The following CHST9 variants were observed in gnomAD, a reference collection of about 807,000 sequenced individuals.
CHST9 encodes the protein GalNAc-4-sulfotransferase 2.
Under a neutral mutation model 44.4 loss-of-function variants are expected in CHST9, and 41 were observed. That is an observed-to-expected ratio of 0.92 (90% CI 0.72 to 1.20). The LOEUF (loss-of-function observed/expected upper bound fraction) is 1.20, where lower values mean the gene tolerates loss of function less well. CHST9 is among the 50% of genes most tolerant of loss of function. CHST9 has a pLI of 0.00. For synonymous variants in CHST9, 171 were observed against 178.4 expected (o/e 0.96, Z 0.33); for missense variants, 504 against 516.5 (o/e 0.98, Z 0.23).
At chr18:27,092,462 C>T (rs1321160838) in intron 2 of CHST9, among the ~76,000 whole-genome samples, 4 of 151,762 alleles carry the variant, frequency 2.6e-5, no homozygotes, top group Admixed American at 6.6e-5. Flanking sequence ...CTGCTCTGAT[C>T]TTAATTATTT....
intron 4 of CHST9, among the ~76,000 whole-genome samples, chr18:27,004,074 A>G (rs1351088665): frequency 6.6e-6 from 1 of 152,080 alleles, no homozygotes; most frequent in African/African-American, 2.4e-5. Context: ...AACAGAGATA[A>G]AAACCAAAAC....
chr18:27,085,041 G>C (rs757885277), intron 2 of CHST9, among the ~76,000 whole-genome samples: 5 of 151,982 alleles, frequency 3.3e-5, no homozygotes, highest in Non-Finnish European at 7.4e-5. Flanking sequence ...TTATCTTATT[G>C]GGAATTGCTT....
Position 26,915,912 on chromosome 18 carries a change from T to C in CHST9, c.*347A>G, listed in dbSNP as rs988009987. ...ATTTTAGACAATAAATTTCAGGATA[T>C]AGACATACACTCATGCTATTTGAGA... is the stretch of plus-strand genomic sequence containing the variant. On this transcript the variant is annotated 3_prime_UTR_variant, in exon 6 of 6. Coordinates refer to ENST00000618847, the MANE Select transcript of CHST9 (RefSeq NM_031422.6). 2.3e-5 allele frequency: 4 copies of C among 173,434 alleles called. No individual in the cohort carries two copies. The highest frequency in any genetic ancestry group is 1.6e-4 in the East Asian group (1 of 6,344). The allele number at this position is 173,434 out of a possible 1,614,324, so 10.7% of individuals were successfully genotyped here.
At position 27,149,547 on chromosome 18, in the gene CHST9, G is replaced by A. The variant is rs139453498; in HGVS notation, c.-96-6642C>T. Among the ~76,000 whole-genome samples, 1,202 of 150,584 alleles carry A rather than the reference G, an allele frequency of 8.0e-3. 20 individuals carry two copies. The highest frequency in any genetic ancestry group is 0.028 in the African/African-American group (1,141 of 41,072). On this transcript the variant is annotated intron_variant, in intron 1 of 5. Coordinates refer to ENST00000618847, the MANE Select transcript of CHST9 (RefSeq NM_031422.6). ...ATGATAGAGTGATTTATATTACTGG[G>A]TATATATCCCGTAATGGGATTGCTG...
At position 26,917,035 on chromosome 18, in the gene CHST9, A is replaced by C; in HGVS notation, c.556T>G (p.Cys186Gly). The change falls in exon 6 of 6, where the codon TGC becomes GGC. Residue 186 changes from cysteine (C) to glycine (G), a missense_variant. Transcript: ENST00000618847. Reference sequence around the variant, plus strand: ...TGACTCACCCCACCGTATTTCTTGCAAAACTCCTGAAGGAAAGACCTTCGT... The same window carrying C: ...TGACTCACCCCACCGTATTTCTTGCCAAACTCCTGAAGGAAAGACCTTCGT... ...EKRRSFLQEF[C>G]KKYGGVSHHQ... The C allele has an allele frequency of 6.2e-7, 1 of 1,613,972 alleles. No homozygotes were observed. Among genetic ancestry groups the C allele is most frequent in the East Asian group, 2.2e-5 (1 of 44,874 alleles).
chr18:27,023,562 A>T (rs1425557792), intron 4 of CHST9, among the ~76,000 whole-genome samples: 1 of 152,246 alleles, frequency 6.6e-6, no homozygotes, highest in Non-Finnish European at 1.5e-5. Context: ...ACTGTATGCC[A>T]AAGCCATGAA....
intron 2 of CHST9, among the ~76,000 whole-genome samples, chr18:27,089,093 T>C (rs2058041220): frequency 6.6e-6 from 1 of 152,240 alleles, no homozygotes; most frequent in South Asian, 2.1e-4. Flanking sequence ...ATATTCCATG[T>C]AATTGTTAAT....
chr18:26,988,637 T>C (rs1598618637), intron 4 of CHST9, among the ~76,000 whole-genome samples: 2 of 152,120 alleles, frequency 1.3e-5, no homozygotes, highest in East Asian at 3.8e-4. Flanking sequence ...AAGAATAGAA[T>C]AGACAGATAC....
intron 3 of CHST9, among the ~76,000 whole-genome samples, chr18:27,041,910 C>T (rs1235238865): frequency 1.3e-5 from 2 of 152,072 alleles, no homozygotes; most frequent in African/African-American, 4.8e-5. Context: ...ATCTAAGAGA[C>T]TTCATTTCAT....
chr18:26,975,778 T>A (rs940046627), intron 4 of CHST9, among the ~76,000 whole-genome samples: 3 of 144,526 alleles, frequency 2.1e-5, no homozygotes, highest in African/African-American at 7.6e-5. Flanking sequence ...ATTTTCTTTA[T>A]CTTATTCATT....
intron 1 of CHST9, among the ~76,000 whole-genome samples, chr18:27,161,979 C>T (rs1219035529): frequency 1.7e-4 from 26 of 151,316 alleles, no homozygotes; most frequent in African/African-American, 6.1e-4. Flanking sequence ...TCCTCCATCC[C>T]TTTATTTTGA....
intron 1 of CHST9, among the ~76,000 whole-genome samples, chr18:27,176,505 T>C (rs1281614845): frequency 2.0e-5 from 3 of 151,922 alleles, no homozygotes; most frequent in African/African-American, 7.3e-5. Context: ...TAAAACCAGA[T>C]TGGACTATGG....
At chr18:27,090,780 C>G (rs903903894) in intron 2 of CHST9, among the ~76,000 whole-genome samples, 14 of 152,012 alleles carry the variant, frequency 9.2e-5, no homozygotes, top group Admixed American at 7.2e-4. Context: ...ATTTCTGAGG[C>G]CTCTGTTCTG....
At chr18:26,939,482 A>G (rs1018651672) in intron 5 of CHST9, among the ~76,000 whole-genome samples, 5 of 152,236 alleles carry the variant, frequency 3.3e-5, no homozygotes, top group African/African-American at 1.2e-4. Flanking sequence ...TCAGAATCAC[A>G]TATTGAGTTT....
intron 4 of CHST9, among the ~76,000 whole-genome samples, chr18:26,994,062 A>G (rs375208808): frequency 6.2e-4 from 94 of 152,288 alleles, no homozygotes; most frequent in African/African-American, 2.1e-3. Flanking sequence ...CTCTTATAAG[A>G]ATGACTGTCA....
intron 4 of CHST9, among the ~76,000 whole-genome samples, chr18:26,969,105 T>A (rs1169375876): frequency 1.3e-5 from 2 of 151,558 alleles, no homozygotes; most frequent in Admixed American, 1.3e-4. Flanking sequence ...TTCACGCCAT[T>A]CTCCTGCCTC....
intron 4 of CHST9, among the ~76,000 whole-genome samples, chr18:26,970,014 T>C (rs577082380): frequency 1.3e-5 from 2 of 152,312 alleles, no homozygotes; most frequent in South Asian, 2.1e-4. Context: ...ACATGACCCA[T>C]TGGTAGGTCC....
intron 2 of CHST9, among the ~76,000 whole-genome samples, chr18:27,061,132 T>C (rs906726459): frequency 2.6e-5 from 4 of 152,082 alleles, no homozygotes; most frequent in African/African-American, 9.7e-5. Context: ...GCAAAACTCC[T>C]TATCTGAGGA....
chr18:27,109,752 A>C (rs1444177804), intron 2 of CHST9, among the ~76,000 whole-genome samples: 2 of 152,130 alleles, frequency 1.3e-5, no homozygotes, highest in African/African-American at 4.8e-5. Context: ...GTGAATTATA[A>C]AATTGGTTCC....
Sources: allele counts gnomAD v4.1 joint callset (sites outside exome capture counted in the v4.1 genomes callset), GRCh38; gene constraint gnomAD v4.1.1; transcripts MANE v1.5; gene names NCBI Gene and HGNC (gene_info 2026-07-23, HGNC 2026-07-21).